The following NPTN variants were observed in gnomAD, a reference collection of about 807,000 sequenced individuals.
NPTN encodes the protein SDR-1.
NPTN carries 5 observed loss-of-function variants against 42.7 expected under a neutral mutation model. The observed-to-expected ratio is 0.12, with a 90% CI of 0.06 to 0.25. The LOEUF is 0.25. NPTN is among the 10% of genes least tolerant of loss of function. The pLI, the probability that NPTN is intolerant of heterozygous loss-of-function variation, is 1.00. For synonymous variants in NPTN, 180 were observed against 201.9 expected, an observed-to-expected ratio of 0.89 and a Z score of 0.92; for missense variants, 307 against 525.4, an observed-to-expected ratio of 0.58 and a Z score of 4.06.
chr15:73,601,611 T>C (rs1897087534), intron 1 of NPTN, among the ~76,000 whole-genome samples: 1 of 152,244 alleles, frequency 6.6e-6, no homozygotes, highest in South Asian at 2.1e-4. Context: ...CAGAAGCATC[T>C]GTTTGCTCTC....
intron 6 of NPTN, among the ~76,000 whole-genome samples, chr15:73,566,261 C>T (rs1012687017): frequency 6.6e-5 from 10 of 152,132 alleles, no homozygotes; most frequent in African/African-American, 2.4e-4. Flanking sequence ...TCATATGCTA[C>T]CAAATGTTTT....
chr15:73,582,344 G>A lies in NPTN; in HGVS notation c.706+5180C>T, dbSNP rs550792471. 2.0e-5 allele frequency among the ~76,000 whole-genome samples: 3 copies of A among 152,284 alleles called. No homozygotes were observed. In the South Asian group the frequency reaches 6.2e-4, roughly 32 times the overall value. On this transcript the variant is annotated intron_variant, in intron 4 of 8. Coordinates refer to ENST00000345330, the MANE Select transcript of NPTN (RefSeq NM_012428.4). Reference sequence around the variant, plus strand: ...GGACAAAATGAACACTTGGCTGACGGCAGTGGGAGAGTGAAGATTTACTGC... The same window carrying A: ...GGACAAAATGAACACTTGGCTGACGACAGTGGGAGAGTGAAGATTTACTGC...
intron 1 of NPTN, among the ~76,000 whole-genome samples, chr15:73,630,341 C>A (rs1898671266): frequency 6.6e-6 from 1 of 152,238 alleles, no homozygotes; most frequent in South Asian, 2.1e-4. Context: ...TTTGTTTACA[C>A]TCACTCAATT....
intron 6 of NPTN, 38 bp from the exon 7 acceptor site, chr15:73,563,295 TAAGAG>T (rs376724687): frequency 3.6e-4 from 586 of 1,611,980 alleles, no homozygotes; most frequent in Non-Finnish European, 4.7e-4. Context: ...CCATGAGAGA[TAAGAG>T]AAGAAAGGAG....
At chr15:73,612,422 A>G (rs949825281) in intron 1 of NPTN, among the ~76,000 whole-genome samples, 230 of 29,292 alleles carry the variant, frequency 7.9e-3, no homozygotes, top group Non-Finnish European at 0.013. Flanking sequence ...CCTGTCTCCA[A>G]AAAAAAAAAA....
At position 73,597,169 on chromosome 15, in the gene NPTN, C is replaced by G; in HGVS notation, c.292G>C (p.Val98Leu). ...TVNTAYGSNG[V>L]SVLRITRLTL... is the part of the protein sequence containing the mutation. ...AGCCGGGTTATTCTCAGCACACTCA[C>G]GCCGTTTGACCCGTAGGCGGTGTTT... The change falls in exon 2 of 9, where the codon GTG becomes CTG. Residue 98 changes from valine to leucine, a missense_variant. Transcript: ENST00000345330. This position sits in a 1 kb window ranked among gnomAD's most constrained non-coding sequence, Gnocchi z 6.3. 1 of 1,614,182 alleles carries G rather than the reference C, an allele frequency of 6.2e-7. No homozygotes were observed. The highest frequency in any genetic ancestry group is 8.5e-7 in the Non-Finnish European group (1 of 1,180,032).
chr15:73,585,848 T>TA (rs1896294101), intron 4 of NPTN, among the ~76,000 whole-genome samples: 1 of 152,220 alleles, frequency 6.6e-6, no homozygotes, highest in South Asian at 2.1e-4. Context: ...ATATAACACG[T>TA]AAGTTGTAAC....
Position 73,605,104 on chromosome 15 carries a change from G to A in NPTN, c.92-7735C>T, listed in dbSNP as rs116897054. Among the ~76,000 whole-genome samples the A allele has an allele frequency of 5.2e-3, 763 of 146,056 alleles. 13 individuals carry two copies. Among genetic ancestry groups the A allele is most frequent in the Admixed American group, 5.9e-3 (89 of 15,088 alleles). On this transcript the variant is annotated intron_variant, in intron 1 of 8. Coordinates refer to ENST00000345330, the MANE Select transcript of NPTN (RefSeq NM_012428.4). ...AGAGTAGAGACCCTGTCTCAAGGGGGGGGGGGGAAAAGAATGATCTAAACT... is the reference window on the plus strand; with the variant it reads ...AGAGTAGAGACCCTGTCTCAAGGGGAGGGGGGGAAAAGAATGATCTAAACT...
At chr15:73,618,850 A>T (rs1897987246) in intron 1 of NPTN, among the ~76,000 whole-genome samples, 1 of 151,968 alleles carries the variant, frequency 6.6e-6, no homozygotes, top group South Asian at 2.1e-4. Flanking sequence ...AAACAAAACA[A>T]AAACACCTCC....
intron 1 of NPTN, among the ~76,000 whole-genome samples, chr15:73,608,987 AATC>A (rs1431383958): frequency 6.6e-6 from 1 of 152,170 alleles, no homozygotes; most frequent in African/African-American, 2.4e-5. Context: ...TGCACTTGGG[AATC>A]ATCAGCTTAT....
intron 7 of NPTN, among the ~76,000 whole-genome samples, chr15:73,562,576 T>A (rs970484511): frequency 4.6e-5 from 7 of 152,218 alleles, no homozygotes; most frequent in African/African-American, 1.7e-4. Flanking sequence ...GTGCTGTTTG[T>A]CTGCTTCTCA....
intron 1 of NPTN, among the ~76,000 whole-genome samples, chr15:73,629,222 A>G (rs899071527): frequency 6.6e-6 from 1 of 152,228 alleles, no homozygotes; most frequent in Non-Finnish European, 1.5e-5. Flanking sequence ...CAGTAGCCTG[A>G]GAGACTGAAA....
chr15:73,597,153 A>G lies in NPTN; in HGVS notation c.308T>C (p.Ile103Thr). 6.2e-7 allele frequency: 1 copy of G among 1,614,134 alleles called. No homozygotes were observed. Among genetic ancestry groups the G allele is most frequent in the Non-Finnish European group, 8.5e-7 (1 of 1,180,032 alleles). ...YGSNGVSVLR[I>T]TRLTLEDSGT... ...AGAGTCCTCCAAGGTGAGCCGGGTTATTCTCAGCACACTCACGCCGTTTGA... is the reference window on the plus strand; with the variant it reads ...AGAGTCCTCCAAGGTGAGCCGGGTTGTTCTCAGCACACTCACGCCGTTTGA... Residue 103 changes from isoleucine (I) to threonine (T), a missense_variant, in exon 2 of 9, where the codon ATA (isoleucine) becomes ACA (threonine). Physicochemically the swap from Ile to Thr is moderately conservative, Grantham distance 89. This residue lies in a region of NPTN where 264 missense variants were observed against 491.1 expected (regional missense o/e 0.54). Transcript: ENST00000345330. This position sits in a 1 kb window ranked among gnomAD's most constrained non-coding sequence, Gnocchi z 6.3.
At chr15:73,622,880 A>G (rs1898203105) in intron 1 of NPTN, among the ~76,000 whole-genome samples, 1 of 152,222 alleles carries the variant, frequency 6.6e-6, no homozygotes, top group Admixed American at 6.5e-5. Context: ...AAATTCAAAT[A>G]TAACTGGGCA....
chr15:73,600,555 G>A (rs767517019), intron 1 of NPTN, among the ~76,000 whole-genome samples: 8 of 152,174 alleles, frequency 5.3e-5, no homozygotes, highest in Non-Finnish European at 2.9e-5. Flanking sequence ...TAATAACAAA[G>A]AGTCTGGCCT....
chr15:73,630,924 C>T (rs895451030), intron 1 of NPTN, among the ~76,000 whole-genome samples: 3 of 152,144 alleles, frequency 2.0e-5, no homozygotes, highest in East Asian at 1.9e-4. Flanking sequence ...TCAAAAATAG[C>T]CATCTCTTCC....
Position 73,627,722 on chromosome 15 carries a change from AC to A in NPTN, c.91+5402del, listed in dbSNP as rs1186159865. On this transcript the variant is annotated intron_variant, in intron 1 of 8. Transcript: ENST00000345330. ...AAGTTAGGCCTACTTTCAGTTTCAG[AC>A]AATATAATAAATTGAAATTAAATAC... is the stretch of plus-strand genomic sequence containing the variant. Among the ~76,000 whole-genome samples the A allele has an allele frequency of 7.2e-5, 11 of 152,348 alleles. 1 individual carries two copies. In the South Asian group the frequency reaches 2.3e-3, roughly 32 times the overall value.
At chr15:73,610,004 C>T (rs542638489) in intron 1 of NPTN, among the ~76,000 whole-genome samples, 5 of 152,252 alleles carry the variant, frequency 3.3e-5, no homozygotes, top group African/African-American at 1.2e-4. Context: ...ACTTATTCCT[C>T]CTATCTAGCT....
Position 73,593,145 on chromosome 15 carries a change from T to G in NPTN, c.440-1008A>C, listed in dbSNP as rs116928545. On this transcript the variant is annotated intron_variant, in intron 2 of 8. Coordinates refer to ENST00000345330, the MANE Select transcript of NPTN (RefSeq NM_012428.4). Reference sequence around the variant, plus strand: ...CACTAGCTTATCTACAAAAATAACCTACTTGAGTCAAATATTATAATACAT... The same window carrying G: ...CACTAGCTTATCTACAAAAATAACCGACTTGAGTCAAATATTATAATACAT... Among the ~76,000 whole-genome samples the G allele has an allele frequency of 2.2e-3, 336 of 152,306 alleles. 2 individuals are homozygous for G. Among genetic ancestry groups the G allele is most frequent in the Non-Finnish European group, 3.7e-3 (251 of 68,030 alleles).
Sources: allele counts gnomAD v4.1 joint callset (sites outside exome capture counted in the v4.1 genomes callset), GRCh38; gene constraint gnomAD v4.1.1; regional missense constraint gnomAD v4.1.1; non-coding constraint Gnocchi (gnomAD v3.1); transcripts MANE v1.5; gene names NCBI Gene and HGNC (gene_info 2026-07-23, HGNC 2026-07-21).